The following TRIM9 variants were observed in gnomAD, a reference collection of about 807,000 sequenced individuals.
The protein encoded by TRIM9 is E3 ubiquitin-protein ligase TRIM9.
A neutral mutation model predicts 78.3 loss-of-function variants in TRIM9; 26 were observed. The observed-to-expected ratio is 0.33, with a 90% CI of 0.24 to 0.46. TRIM9 has a LOEUF of 0.46. Ranked by LOEUF, TRIM9 falls within the 20% of genes least tolerant of loss-of-function variation. The pLI, the probability that TRIM9 is intolerant of heterozygous loss-of-function variation, is 1.00. For missense variants in TRIM9, 787 were observed against 1,036.4 expected (o/e 0.76, Z 3.30); for synonymous variants, 398 against 416.5 (o/e 0.96, Z 0.54).
intron 7 of TRIM9, 64 bp from the exon 8 acceptor site, chr14:50,986,208 C>T: frequency 7.7e-7 from 1 of 1,303,252 alleles, no homozygotes; most frequent in Non-Finnish European, 1.0e-6. Context: ...GTGCACGGTT[C>T]CCCAAGACCT....
intron 3 of TRIM9, among the ~76,000 whole-genome samples, chr14:51,018,767 A>G (rs1262685930): frequency 6.6e-6 from 1 of 152,214 alleles, no homozygotes; most frequent in Non-Finnish European, 1.5e-5. Context: ...TGTTAAATTT[A>G]CCAACCACAC....
At position 51,010,404 on chromosome 14, in the gene TRIM9, C is replaced by T. The variant is rs568923902; in HGVS notation, c.1132G>A (p.Asp378Asn). ...CTTACCTGCAAAAAACCACTAGGAT[C>T]ATTTTCCTTAATCACCTCCAAGCAG... ...EYCLEVIKEN[D>N]PSGFLQISDA... The change falls in exon 4 of 13, where the codon GAT becomes AAT. Residue 378 changes from aspartate (D) to asparagine (N), a missense_variant. By Grantham distance (23) the Asp-to-Asn change is conservative. This residue lies in a region of TRIM9 where 14 missense variants were observed against 49.8 expected (regional missense o/e 0.28). Transcript: ENST00000684578. The T allele has an allele frequency of 5.6e-6, 9 of 1,613,870 alleles. No homozygotes were observed. In the South Asian group the frequency reaches 8.8e-5, roughly 16 times the overall value.
intron 1 of TRIM9, among the ~76,000 whole-genome samples, chr14:51,079,538 C>T (rs1319995303): frequency 6.6e-6 from 1 of 152,122 alleles, no homozygotes; most frequent in Non-Finnish European, 1.5e-5. Context: ...TTTTATGTAG[C>T]CCAGATGTGT....
intron 1 of TRIM9, among the ~76,000 whole-genome samples, chr14:51,033,214 T>A (rs2058878361): frequency 6.6e-6 from 1 of 152,158 alleles, no homozygotes; most frequent in African/African-American, 2.4e-5. Flanking sequence ...CTCAGCCTCC[T>A]CCTGAGTAGC....
rs769591113 is a variant in TRIM9 at position 51,094,304 on chromosome 14, C to T, written c.636G>A (p.Pro212=). 3 of 1,613,776 alleles carry T rather than the reference C, an allele frequency of 1.9e-6. No homozygotes were observed. Among genetic ancestry groups the T allele is most frequent in the Non-Finnish European group, 2.5e-6 (3 of 1,179,874 alleles). ...GCCTCCGGCTCACACGACCCTGGGC[C>T]GGGGGCACCAGGCGGTGCTTGGCTA... ...GPLAKHRLVP[P]AQGRVSRRLS... Residue 212 remains proline, a synonymous_variant, in exon 1 of 13, where the codon CCG becomes CCA. Coordinates refer to ENST00000684578, the MANE Select transcript of TRIM9 (RefSeq NM_001387360.1).
chr14:50,986,261 G>T, intron 7 of TRIM9, 117 bp from the exon 8 acceptor site: 1 of 919,420 alleles, frequency 1.1e-6, no homozygotes, highest in South Asian at 4.5e-5. Flanking sequence ...TTTCCCACAG[G>T]GTGCCACACT....
At chr14:51,016,222 C>T (rs1211583462) in intron 3 of TRIM9, among the ~76,000 whole-genome samples, 1 of 152,162 alleles carries the variant, frequency 6.6e-6, no homozygotes, top group African/African-American at 2.4e-5. Context: ...TAGGCAAGGG[C>T]AGGGGTCCTC....
intron 1 of TRIM9, among the ~76,000 whole-genome samples, chr14:51,029,051 G>A (rs1473943169): frequency 1.3e-5 from 2 of 152,012 alleles, no homozygotes; most frequent in African/African-American, 2.4e-5. Context: ...AATCCATCCC[G>A]CCCAATGCCT....
chr14:51,029,171 T>G (rs1400981216), intron 1 of TRIM9, among the ~76,000 whole-genome samples: 1 of 152,062 alleles, frequency 6.6e-6, no homozygotes, highest in Non-Finnish European at 1.5e-5. Context: ...CCACAAATAT[T>G]GGATAGCGAT....
chr14:50,977,587 T>C (rs1015575443), intron 12 of TRIM9, among the ~76,000 whole-genome samples: 5 of 152,206 alleles, frequency 3.3e-5, no homozygotes, highest in African/African-American at 1.2e-4. Context: ...CTTAGTCACC[T>C]GCCTCTTTTA....
chr14:50,977,421 T>C (rs547352904), intron 12 of TRIM9, 68 bp from the exon 13 acceptor site: 181 of 1,252,112 alleles, frequency 1.4e-4, no homozygotes, highest in Non-Finnish European at 1.8e-4. Context: ...CAGTGTACCG[T>C]GGGTGTGTCC....
intron 1 of TRIM9, among the ~76,000 whole-genome samples, chr14:51,054,599 T>A (rs569826625): frequency 7.9e-5 from 12 of 152,076 alleles, no homozygotes; most frequent in Admixed American, 3.9e-4. Flanking sequence ...GTTTTTTTTT[T>A]AGAAGGAGTT....
intron 1 of TRIM9, among the ~76,000 whole-genome samples, chr14:51,056,002 C>T (rs1043008649): frequency 2.0e-5 from 3 of 152,188 alleles, no homozygotes; most frequent in African/African-American, 7.2e-5. Flanking sequence ...CAACCTTCAT[C>T]GGAATGTATA....
intron 11 of TRIM9, among the ~76,000 whole-genome samples, chr14:50,979,912 C>T (rs1333156349): frequency 6.6e-6 from 1 of 152,164 alleles, no homozygotes; most frequent in Non-Finnish European, 1.5e-5. Context: ...GAAAACCAAA[C>T]ATTAAAGACT....
At chr14:50,984,714 A>G (rs1281033293) in intron 8 of TRIM9, among the ~76,000 whole-genome samples, 1 of 152,240 alleles carries the variant, frequency 6.6e-6, no homozygotes, top group Non-Finnish European at 1.5e-5. Context: ...ATACATTATC[A>G]TACATTTAAG....
intron 11 of TRIM9, among the ~76,000 whole-genome samples, chr14:50,980,241 C>T (rs748855582): frequency 6.6e-6 from 1 of 152,148 alleles, no homozygotes; most frequent in Non-Finnish European, 1.5e-5. Context: ...AATAATTATA[C>T]TCTGAGATGT....
In TRIM9 at chr14:51,094,429, A is replaced by T. The variant is rs2064742272; in HGVS notation, c.511T>A (p.Cys171Ser). ...GTGGCTTCCTTGGGCGCCTTCTCGCAGAGCTGGCACTTGAGGGCCGCGGCT... is the reference window on the plus strand; with the variant it reads ...GTGGCTTCCTTGGGCGCCTTCTCGCTGAGCTGGCACTTGAGGGCCGCGGCT... ...SKAAALKCQL[C>S]EKAPKEATVM... Residue 171 changes from cysteine (C) to serine (S), a missense_variant, in exon 1 of 13, where the codon TGC becomes AGC. Physicochemically the swap from Cys to Ser is moderately radical, Grantham distance 112. This residue lies in a region of TRIM9 where 352 missense variants were observed against 472.3 expected (regional missense o/e 0.75). Transcript: ENST00000684578. 1 of 1,613,862 alleles carries T rather than the reference A, an allele frequency of 6.2e-7. No homozygotes were observed. Among genetic ancestry groups the T allele is most frequent in the African/African-American group, 1.3e-5 (1 of 74,948 alleles).
Position 51,094,925 on chromosome 14 carries a change from T to C in TRIM9, c.15A>G (p.Glu5=). Residue 5 remains glutamate, a synonymous_variant, in exon 1 of 13, where the codon GAA becomes GAG. Transcript: ENST00000684578. MEEM[E]EELKCPVCGS... Reference sequence around the variant, plus strand: ...CGCACACGGGGCATTTCAACTCCTCTTCCATCTCCTCCATGGGGACCGGTC... The same window carrying C: ...CGCACACGGGGCATTTCAACTCCTCCTCCATCTCCTCCATGGGGACCGGTC... 1 of 1,495,780 alleles carries C rather than the reference T, an allele frequency of 6.7e-7. No individual in the cohort carries two copies. The highest frequency in any genetic ancestry group is 8.9e-7 in the Non-Finnish European group (1 of 1,123,218). 92.7% of individuals were successfully genotyped at this position (1,495,780 alleles called of 1,614,324 possible). A position where few individuals can be genotyped will look rare whatever the true frequency, so the allele number is the denominator to read the frequency against.
chr14:51,078,340 T>C (rs527789889), intron 1 of TRIM9, among the ~76,000 whole-genome samples: 1 of 152,350 alleles, frequency 6.6e-6, no homozygotes, highest in African/African-American at 2.4e-5. Context: ...CCAATATTTA[T>C]ACAAATTTTA....
Sources: allele counts gnomAD v4.1 joint callset (sites outside exome capture counted in the v4.1 genomes callset), GRCh38; gene constraint gnomAD v4.1.1; regional missense constraint gnomAD v4.1.1; transcripts MANE v1.5; gene names NCBI Gene and HGNC (gene_info 2026-07-23, HGNC 2026-07-21).